The following CLVS2 variants were observed in gnomAD, a reference collection of about 807,000 sequenced individuals.
CLVS2 encodes the protein clavesin-2.
In CLVS2, 19 loss-of-function variants were observed where a neutral mutation model predicts 29.0. The ratio of observed to expected loss-of-function variants is 0.66; its 90% CI spans 0.46 to 0.96. CLVS2 has a LOEUF of 0.96. Among genes scored for constraint, CLVS2 ranks in the 40% least tolerant of loss-of-function variants. The pLI is 0.00. For synonymous variants in CLVS2, 161 were observed against 151.3 expected (o/e 1.06, Z -0.47); for missense variants, 294 against 404.1 (o/e 0.73, Z 2.34).
At chr6:123,026,862 A>T (rs542759295) in intron 3 of CLVS2, among the ~76,000 whole-genome samples, 76 of 152,314 alleles carry the variant, frequency 5.0e-4, no homozygotes, top group African/African-American at 1.8e-3. Flanking sequence ...AAAGGGGAAA[A>T]GTTACATCAT....
intron 2 of CLVS2, among the ~76,000 whole-genome samples, chr6:122,998,954 T>A (rs570194388): frequency 2.6e-5 from 4 of 152,362 alleles, no homozygotes; most frequent in Admixed American, 2.6e-4. Flanking sequence ...ATATTCTTTT[T>A]ATCTACATTA....
chr6:123,036,071 C>T (rs779630080), intron 3 of CLVS2, among the ~76,000 whole-genome samples: 15 of 152,082 alleles, frequency 9.9e-5, no homozygotes, highest in Admixed American at 3.9e-4. Flanking sequence ...CACTCCAATT[C>T]CATTGTAAAA....
Position 123,011,158 on chromosome 6 carries a change from A to T in CLVS2, c.563A>T (p.Gln188Leu). 6.4e-7 allele frequency: 1 copy of T among 1,560,228 alleles called. No homozygotes were observed. Among genetic ancestry groups the T allele is most frequent in the Non-Finnish European group, 8.7e-7 (1 of 1,149,614 alleles). Residue 188 changes from glutamine to leucine, a missense_variant and splice_region_variant, in exon 3 of 6, where the codon CAG becomes CTG. Coordinates refer to ENST00000275162, the MANE Select transcript of CLVS2 (RefSeq NM_001010852.4). ...CTGCGATTAGCTATTGAAGGCCTGC[A>T]GGTAGGATATGGAAATTACCTACTT... is the stretch of plus-strand genomic sequence containing the variant. ...SMLRLAIEGLQDSFPARFGGI... is the reference protein window; with the variant it reads ...SMLRLAIEGLLDSFPARFGGI...
At chr6:123,018,242 C>A (rs184055383) in intron 3 of CLVS2, among the ~76,000 whole-genome samples, 1 of 151,996 alleles carries the variant, frequency 6.6e-6, no homozygotes, top group East Asian at 1.9e-4. Flanking sequence ...AATGCAGGCC[C>A]TCTCTTATTC....
rs563755304 is a variant in CLVS2, at chr6:123,042,575, A to G, written c.565-6047A>G. On this transcript the variant is annotated intron_variant, in intron 3 of 5. Coordinates refer to ENST00000275162, the MANE Select transcript of CLVS2 (RefSeq NM_001010852.4). ...GAAATCTTTTGTTTTCAATCCATTC[A>G]TTCAAATATGGCTCATTACCAGTTA... 2.8e-4 allele frequency among the ~76,000 whole-genome samples: 42 copies of G among 152,334 alleles called. 1 individual carries two copies. The South Asian group carries it at 8.5e-3, about 31-fold the overall frequency.
rs1390516488 is a variant in CLVS2 at position 122,996,339 on chromosome 6, A to C, written c.-967A>C. On this transcript the variant is annotated 5_prime_UTR_variant, in exon 1 of 6. Transcript: ENST00000275162. ...CCAGGAGAGGCCAGCGCCGCGCAGC[A>C]GCCGCCCCGCTGCGCCCACCTCCCC... 1 of 152,190 alleles carries C rather than the reference A, an allele frequency of 6.6e-6. No individual in the cohort carries two copies. Among genetic ancestry groups the C allele is most frequent in the Non-Finnish European group, 1.5e-5 (1 of 68,224 alleles). The allele number at this position is 152,190 out of a possible 1,614,324, so 9.4% of individuals were successfully genotyped here. A position where few individuals can be genotyped will look rare whatever the true frequency, so the allele number is the denominator to read the frequency against.
intron 4 of CLVS2, 65 bp from the exon 5 acceptor site, chr6:123,055,741 A>G: frequency 8.7e-7 from 1 of 1,149,282 alleles, no homozygotes; most frequent in Middle Eastern, 2.0e-4. Context: ...TCCCCCCTGT[A>G]GGATTTAGAT....
At chr6:123,060,087 C>A (rs1490794375) in intron 5 of CLVS2, among the ~76,000 whole-genome samples, 5 of 152,238 alleles carry the variant, frequency 3.3e-5, no homozygotes, top group Admixed American at 2.6e-4. Context: ...AAGATTGCTC[C>A]TATGTTCCAC....
chr6:123,022,205 G>A (rs1018071670), intron 3 of CLVS2, among the ~76,000 whole-genome samples: 2 of 151,992 alleles, frequency 1.3e-5, no homozygotes, highest in Non-Finnish European at 2.9e-5. Flanking sequence ...CATCTTTACG[G>A]AAGCAGAAGT....
At chr6:123,059,888 C>A (rs549217280) in intron 5 of CLVS2, among the ~76,000 whole-genome samples, 6 of 152,240 alleles carry the variant, frequency 3.9e-5, no homozygotes, top group African/African-American at 1.2e-4. Flanking sequence ...CATTAGTGGC[C>A]CCAGTCCTGA....
Position 123,032,170 on chromosome 6 carries a change from GT to G in CLVS2, c.565-16447del, listed in dbSNP as rs1775092362. Among the ~76,000 whole-genome samples, 5 of 151,896 alleles carry G rather than the reference GT, an allele frequency of 3.3e-5. No individual in the cohort carries two copies. The South Asian group carries it at 1.0e-3, about 32-fold the overall frequency. ...TTAATTCACGTACATTTTCCCCTTA[GT>G]TTTTGCATTTATAGTGCCTTTGATT... On this transcript the variant is annotated intron_variant, in intron 3 of 5. Coordinates refer to ENST00000275162, the MANE Select transcript of CLVS2 (RefSeq NM_001010852.4).
At chr6:123,056,620 T>C (rs997959247) in intron 5 of CLVS2, among the ~76,000 whole-genome samples, 4 of 152,194 alleles carry the variant, frequency 2.6e-5, no homozygotes, top group African/African-American at 9.6e-5. Flanking sequence ...TCACCAAATC[T>C]GGTGGTTTTC....
At chr6:123,031,309 T>G (rs748224217) in intron 3 of CLVS2, among the ~76,000 whole-genome samples, 1 of 152,128 alleles carries the variant, frequency 6.6e-6, no homozygotes, top group South Asian at 2.1e-4. Flanking sequence ...TCATTACCTC[T>G]GTTTGCACAA....
At chr6:123,025,149 A>G (rs912404873) in intron 3 of CLVS2, among the ~76,000 whole-genome samples, 1 of 152,110 alleles carries the variant, frequency 6.6e-6, no homozygotes, top group Non-Finnish European at 1.5e-5. Flanking sequence ...AAACACGAGA[A>G]TAAGGGGGTT....
At chr6:123,026,792 A>G (rs1439161316) in intron 3 of CLVS2, among the ~76,000 whole-genome samples, 1 of 152,184 alleles carries the variant, frequency 6.6e-6, no homozygotes, top group Non-Finnish European at 1.5e-5. Flanking sequence ...AATAAGCACC[A>G]TTTAAAAATA....
At chr6:123,048,122 A>G (rs1425193957) in intron 3 of CLVS2, among the ~76,000 whole-genome samples, 2 of 152,120 alleles carry the variant, frequency 1.3e-5, no homozygotes, top group East Asian at 1.9e-4. Flanking sequence ...GTTTATAACT[A>G]AGTTGATAAA....
intron 3 of CLVS2, among the ~76,000 whole-genome samples, chr6:123,041,557 A>T (rs1299712215): frequency 6.6e-6 from 1 of 152,228 alleles, no homozygotes; most frequent in Admixed American, 6.5e-5. Context: ...AATTCCCTTA[A>T]AGGAGAGTGA....
At chr6:123,017,119 T>G (rs1332733660) in intron 3 of CLVS2, among the ~76,000 whole-genome samples, 3 of 150,732 alleles carry the variant, frequency 2.0e-5, no homozygotes, top group Non-Finnish European at 4.4e-5. Flanking sequence ...TGTGTGTGCG[T>G]AAGATGGTTA....
chr6:123,046,024 C>T (rs967496625), intron 3 of CLVS2, among the ~76,000 whole-genome samples: 27 of 152,146 alleles, frequency 1.8e-4, no homozygotes, highest in African/African-American at 6.5e-4. Flanking sequence ...GAAGGGGAGG[C>T]AGGAAAATGA....
Sources: allele counts gnomAD v4.1 joint callset (sites outside exome capture counted in the v4.1 genomes callset), GRCh38; gene constraint gnomAD v4.1.1; transcripts MANE v1.5; gene names NCBI Gene and HGNC (gene_info 2026-07-23, HGNC 2026-07-21).